The following GSG1L variants were observed in gnomAD, a reference collection of about 807,000 sequenced individuals.
GSG1L encodes the protein germ cell-specific gene 1-like protein.
Under a neutral mutation model 42.1 loss-of-function variants are expected in GSG1L, and 24 were observed. The ratio of observed to expected loss-of-function variants is 0.57; its 90% confidence interval spans 0.41 to 0.80. GSG1L has a LOEUF of 0.80. Among genes scored for constraint, GSG1L ranks in the 30% least tolerant of loss-of-function variants. The pLI is 0.00. For synonymous variants in GSG1L, 215 were observed against 203.5 expected, an observed-to-expected ratio of 1.06 and a Z score of -0.48; for missense variants, 445 against 472.2, an observed-to-expected ratio of 0.94 and a Z score of 0.53.
intron 1 of GSG1L, among the ~76,000 whole-genome samples, chr16:27,974,885 C>T (rs554521069): frequency 5.3e-4 from 80 of 152,090 alleles, no homozygotes; most frequent in Non-Finnish European, 7.9e-4. Flanking sequence ...CACTGAAGAC[C>T]GACGAGTGAA....
At chr16:27,878,813 G>C (rs2083918116) in intron 3 of GSG1L, among the ~76,000 whole-genome samples, 1 of 152,198 alleles carries the variant, frequency 6.6e-6, no homozygotes, top group Non-Finnish European at 1.5e-5. Context: ...CACTGCCTTG[G>C]GGGCTTGCAG....
chr16:27,809,198 G>C (rs910791152), intron 5 of GSG1L, among the ~76,000 whole-genome samples: 6 of 152,066 alleles, frequency 3.9e-5, no homozygotes, highest in African/African-American at 1.2e-4. Flanking sequence ...TTCAAGACCA[G>C]CCCAGGCAAC....
At chr16:27,795,751 G>T (rs1012617500) in intron 6 of GSG1L, among the ~76,000 whole-genome samples, 1 of 152,148 alleles carries the variant, frequency 6.6e-6, no homozygotes, top group African/African-American at 2.4e-5. Flanking sequence ...ACCACAGGAG[G>T]TTCCCCAAAG....
intron 3 of GSG1L, among the ~76,000 whole-genome samples, chr16:27,878,637 A>G (rs2083916414): frequency 6.6e-6 from 1 of 152,070 alleles, no homozygotes; most frequent in Non-Finnish European, 1.5e-5. Context: ...GGGTCTCACT[A>G]TGTTGCCCAG....
rs55918316 is a variant in GSG1L at position 27,926,507 on chromosome 16, GA to G, written c.397+36648del. ...AACATGGTGAAATCCTATCTGTGCT[GA>G]AAAAAAAAAAACAAAAAAACAAAAA... On this transcript the variant is annotated intron_variant, in intron 2 of 6. Transcript: ENST00000447459. Among the ~76,000 whole-genome samples, 16 of 144,170 alleles carry G rather than the reference GA, an allele frequency of 1.1e-4. No individual in the cohort carries two copies. In the East Asian group the frequency reaches 1.4e-3, roughly 13 times the overall value. The allele number at this position is 144,170 out of a possible 152,430, so 94.6% of individuals were successfully genotyped here.
chr16:28,020,774 G>T (rs1407815185), intron 1 of GSG1L, among the ~76,000 whole-genome samples: 1 of 152,212 alleles, frequency 6.6e-6, no homozygotes, highest in African/African-American at 2.4e-5. Flanking sequence ...CTGCCATGTT[G>T]TGAGGACGCT....
At chr16:27,885,482 A>G (rs1490298081) in intron 2 of GSG1L, among the ~76,000 whole-genome samples, 1 of 151,984 alleles carries the variant, frequency 6.6e-6, no homozygotes, top group Non-Finnish European at 1.5e-5. Flanking sequence ...CCTCACACAC[A>G]CAGCAGGCTT....
At chr16:28,034,083 C>G (rs891495528) in intron 1 of GSG1L, among the ~76,000 whole-genome samples, 4 of 152,042 alleles carry the variant, frequency 2.6e-5, no homozygotes, top group African/African-American at 7.2e-5. Context: ...CTATTCCATC[C>G]TGTCCCAACC....
intron 1 of GSG1L, among the ~76,000 whole-genome samples, chr16:28,049,291 C>A (rs1163958492): frequency 1.3e-5 from 2 of 152,122 alleles, no homozygotes; most frequent in Non-Finnish European, 2.9e-5. Flanking sequence ...TGCTAAATAG[C>A]TAAAATACTA....
At chr16:28,032,450 C>T (rs1425310254) in intron 1 of GSG1L, among the ~76,000 whole-genome samples, 6 of 152,196 alleles carry the variant, frequency 3.9e-5, no homozygotes, top group African/African-American at 1.2e-4. Flanking sequence ...GATGTATGCA[C>T]GACGCGCTCT....
At chr16:27,892,269 A>G (rs1265929662) in intron 2 of GSG1L, among the ~76,000 whole-genome samples, 1 of 152,058 alleles carries the variant, frequency 6.6e-6, no homozygotes, top group Non-Finnish European at 1.5e-5. Context: ...AGCCTGGGCA[A>G]TATAGGGAGA....
intron 2 of GSG1L, among the ~76,000 whole-genome samples, chr16:27,949,682 T>C (rs2084929449): frequency 6.6e-6 from 1 of 151,896 alleles, no homozygotes; most frequent in East Asian, 1.9e-4. Flanking sequence ...TCCCAGCAAT[T>C]TGGGAGGCCG....
Position 28,005,785 on chromosome 16 carries a change from A to T in GSG1L, c.350-42582T>A, listed in dbSNP as rs183856397. On this transcript the variant is annotated intron_variant, in intron 1 of 6. Transcript: ENST00000447459. The stretch of plus-strand genomic sequence containing the variant: ...TAGAGACCGGCAGAATAAAGGCTTA[A>T]TAAGTATTAATTACATTGTCATTGT... 1.4e-3 allele frequency among the ~76,000 whole-genome samples: 207 copies of T among 152,330 alleles called. 3 individuals are homozygous for T. Among genetic ancestry groups the T allele is most frequent in the African/African-American group, 4.9e-3 (204 of 41,572 alleles).
At chr16:27,830,337 G>A (rs1276167005) in intron 4 of GSG1L, among the ~76,000 whole-genome samples, 3 of 152,026 alleles carry the variant, frequency 2.0e-5, no homozygotes, top group Non-Finnish European at 2.9e-5. Context: ...CCACCCAGCT[G>A]GTTTCTAAAC....
chr16:28,029,183 C>G (rs1329991245), intron 1 of GSG1L, among the ~76,000 whole-genome samples: 2 of 152,276 alleles, frequency 1.3e-5, no homozygotes, highest in South Asian at 4.2e-4. Flanking sequence ...GATAAGAATA[C>G]CTACCCCCAA....
intron 1 of GSG1L, among the ~76,000 whole-genome samples, chr16:28,012,157 C>T (rs367956044): frequency 6.6e-6 from 1 of 152,176 alleles, no homozygotes; most frequent in Non-Finnish European, 1.5e-5. Context: ...AAATGCCCCA[C>T]GGTTTCTGAG....
At chr16:28,006,123 G>A (rs1486827300) in intron 1 of GSG1L, among the ~76,000 whole-genome samples, 1 of 152,018 alleles carries the variant, frequency 6.6e-6, no homozygotes, top group Non-Finnish European at 1.5e-5. Flanking sequence ...CAAGGAACAG[G>A]GTGACCTCTA....
intron 1 of GSG1L, among the ~76,000 whole-genome samples, chr16:28,011,270 C>T (rs1288238803): frequency 1.3e-5 from 2 of 152,182 alleles, no homozygotes; most frequent in African/African-American, 4.8e-5. Context: ...TCATGACAGC[C>T]GCCACTGCCC....
intron 3 of GSG1L, among the ~76,000 whole-genome samples, chr16:27,857,937 T>G (rs1438339869): frequency 6.6e-6 from 1 of 152,148 alleles, no homozygotes; most frequent in Non-Finnish European, 1.5e-5. Context: ...GGTCTACACC[T>G]GCAGTGTCAG....
Sources: allele counts gnomAD v4.1 joint callset (sites outside exome capture counted in the v4.1 genomes callset), GRCh38; gene constraint gnomAD v4.1.1; transcripts MANE v1.5; gene names NCBI Gene and HGNC (gene_info 2026-07-23, HGNC 2026-07-21).